ARHGAP28: variants seen among roughly 807,000 people sequenced by gnomAD.
ARHGAP28 encodes the protein rho GTPase-activating protein 28.
Under a neutral mutation model 90.7 loss-of-function variants are expected in ARHGAP28, and 56 were observed. The observed-to-expected ratio is 0.62, with a 90% confidence interval of 0.50 to 0.77. The LOEUF (loss-of-function observed/expected upper bound fraction) is 0.77, where lower values mean the gene tolerates loss of function less well. Ranked by LOEUF, ARHGAP28 falls within the 30% of genes least tolerant of loss-of-function variation. ARHGAP28 has a pLI of 0.00. For synonymous variants in ARHGAP28, 308 were observed against 323.3 expected, an observed-to-expected ratio of 0.95 and a Z score of 0.51; for missense variants, 869 against 900.9, an observed-to-expected ratio of 0.96 and a Z score of 0.45.
chr18:6,886,252 T>C (rs2057220282), intron 11 of ARHGAP28, among the ~76,000 whole-genome samples: 1 of 152,254 alleles, frequency 6.6e-6, no homozygotes, highest in African/African-American at 2.4e-5. Context: ...TCCCCAGAGA[T>C]TCCAGAACAT....
intron 3 of ARHGAP28, among the ~76,000 whole-genome samples, chr18:6,841,134 C>T (rs1272400543): frequency 6.8e-6 from 1 of 146,276 alleles, no homozygotes; most frequent in Non-Finnish European, 1.5e-5. Context: ...TCTCTCTCTC[C>T]TCTCTCACTG....
At position 6,745,633 on chromosome 18, in the gene ARHGAP28, T is replaced by C. The variant is rs74381109; in HGVS notation, c.122+15690T>C. Among the ~76,000 whole-genome samples the C allele has an allele frequency of 7.5e-3, 1,147 of 152,290 alleles. 13 individuals carry two copies. Among genetic ancestry groups the C allele is most frequent in the African/African-American group, 0.024 (1,001 of 41,570 alleles). On this transcript the variant is annotated intron_variant, in intron 1 of 17. Coordinates refer to ENST00000383472, the MANE Select transcript of ARHGAP28 (RefSeq NM_001366230.1). The stretch of plus-strand genomic sequence containing the variant: ...CATTTTCTTCATGCACTTTGTTCCT[T>C]CAATTACTCCTTCCAGGCAACCCGT...
intron 1 of ARHGAP28, among the ~76,000 whole-genome samples, chr18:6,768,098 A>G (rs1471105918): frequency 6.6e-6 from 1 of 151,688 alleles, no homozygotes; most frequent in Non-Finnish European, 1.5e-5. Context: ...TAATAATTCT[A>G]TCTAGTATAT....
At chr18:6,837,161 A>C (rs1239584836) in intron 2 of ARHGAP28, 36 bp from the exon 3 acceptor site, 2 of 1,476,724 alleles carry the variant, frequency 1.4e-6, no homozygotes, top group Non-Finnish European at 1.8e-6. Context: ...CATACAGAAA[A>C]TATTCTAACC....
chr18:6,732,416 CTT>C (rs1298875020), intron 1 of ARHGAP28, among the ~76,000 whole-genome samples: 5 of 152,042 alleles, frequency 3.3e-5, no homozygotes, highest in African/African-American at 4.8e-5. Flanking sequence ...ACCAGCAAGA[CTT>C]TGAGAAAAAA....
chr18:6,798,748 G>A (rs1472802503), intron 1 of ARHGAP28, among the ~76,000 whole-genome samples: 3 of 152,264 alleles, frequency 2.0e-5, no homozygotes, highest in African/African-American at 4.8e-5. Flanking sequence ...CAGTTGACTA[G>A]TGCATTAACA....
At chr18:6,773,923 G>A (rs2056263323) in intron 1 of ARHGAP28, 1 of 152,186 alleles carries the variant, frequency 6.6e-6, no homozygotes, top group Non-Finnish European at 1.5e-5. Flanking sequence ...GGAAGTTTGA[G>A]CTGAGACACA....
chr18:6,766,039 T>TCA (rs1172384137), intron 1 of ARHGAP28, among the ~76,000 whole-genome samples: 11 of 152,218 alleles, frequency 7.2e-5, no homozygotes, highest in African/African-American at 2.7e-4. Flanking sequence ...GTCATATGAT[T>TCA]TGTCTTGGGG....
intron 1 of ARHGAP28, among the ~76,000 whole-genome samples, chr18:6,740,745 A>C (rs920198452): frequency 6.6e-6 from 1 of 152,196 alleles, no homozygotes; most frequent in African/African-American, 2.4e-5. Context: ...GTATGTTGCT[A>C]ATGAGAACAA....
intron 11 of ARHGAP28, among the ~76,000 whole-genome samples, chr18:6,884,662 T>C (rs1423968572): frequency 1.3e-5 from 2 of 152,142 alleles, no homozygotes; most frequent in Admixed American, 6.5e-5. Context: ...CTCAACTGTG[T>C]GTTCAGTTGT....
chr18:6,899,553 C>A (rs1488841606), intron 16 of ARHGAP28, among the ~76,000 whole-genome samples: 1 of 152,130 alleles, frequency 6.6e-6, no homozygotes, highest in Non-Finnish European at 1.5e-5. Context: ...AACACGCCAC[C>A]ACCCCATGGT....
At chr18:6,884,278 G>T (rs543168270) in intron 11 of ARHGAP28, among the ~76,000 whole-genome samples, 1 of 152,304 alleles carries the variant, frequency 6.6e-6, no homozygotes, top group Admixed American at 6.5e-5. Flanking sequence ...GGATGCTGAG[G>T]CAGGAGAATG....
intron 5 of ARHGAP28, among the ~76,000 whole-genome samples, chr18:6,866,176 G>T (rs2057037094): frequency 6.6e-6 from 1 of 152,122 alleles, no homozygotes; most frequent in Non-Finnish European, 1.5e-5. Context: ...TTCTTCTGCT[G>T]TAACACAAAG....
intron 1 of ARHGAP28, among the ~76,000 whole-genome samples, chr18:6,740,456 G>C (rs1218746921): frequency 6.6e-6 from 1 of 152,124 alleles, no homozygotes; most frequent in Non-Finnish European, 1.5e-5. Context: ...CCTCAGATGA[G>C]CCTCAGACAT....
intron 1 of ARHGAP28, among the ~76,000 whole-genome samples, chr18:6,811,251 A>T (rs1192258073): frequency 1.3e-5 from 2 of 152,218 alleles, no homozygotes; most frequent in Non-Finnish European, 2.9e-5. Context: ...CTGATGTGTT[A>T]ATATAATGTT....
intron 1 of ARHGAP28, among the ~76,000 whole-genome samples, chr18:6,743,664 C>T (rs1325844547): frequency 3.9e-5 from 6 of 152,120 alleles, no homozygotes. Context: ...ATACATAAAA[C>T]TGAGTGCAGC....
chr18:6,751,948 C>G (rs773399348), intron 1 of ARHGAP28, among the ~76,000 whole-genome samples: 4 of 151,880 alleles, frequency 2.6e-5, no homozygotes, highest in Non-Finnish European at 4.4e-5. Context: ...GTTTTTGAAG[C>G]CTTGCTTACA....
At chr18:6,838,781 T>C (rs181188431) in intron 3 of ARHGAP28, among the ~76,000 whole-genome samples, 1 of 152,342 alleles carries the variant, frequency 6.6e-6, no homozygotes, top group East Asian at 1.9e-4. Context: ...ATTTGGACTT[T>C]CAACCTAGTG....
chr18:6,805,122 C>A (rs2056508542), intron 1 of ARHGAP28, among the ~76,000 whole-genome samples: 1 of 152,188 alleles, frequency 6.6e-6, no homozygotes, highest in South Asian at 2.1e-4. Context: ...GCACATGCCA[C>A]CATGCCCAGC....
Sources: gnomAD v4.1 joint callset for allele counts (sites outside exome capture counted in the v4.1 genomes callset) on GRCh38, gnomAD v4.1.1 for gene constraint, MANE v1.5 for transcripts, NCBI Gene and HGNC (gene_info 2026-07-23, HGNC 2026-07-21) for gene names.